FAR2: variants seen among roughly 807,000 people sequenced by gnomAD.
The protein encoded by FAR2 is epididymis secretory protein Li 81.
FAR2 carries 19 observed loss-of-function variants against 56.0 expected under a neutral mutation model. The ratio of observed to expected loss-of-function variants is 0.34; its 90% CI spans 0.24 to 0.50. The LOEUF is 0.50. Ranked by LOEUF, FAR2 falls within the 20% of genes least tolerant of loss-of-function variation. The pLI is 0.98. For synonymous variants in FAR2, 219 were observed against 218.8 expected (o/e 1.00, Z -0.01); for missense variants, 508 against 642.2 (o/e 0.79, Z 2.26).
intron 1 of FAR2, among the ~76,000 whole-genome samples, chr12:29,174,329 C>T (rs1355128926): frequency 1.3e-5 from 2 of 150,916 alleles, no homozygotes; most frequent in East Asian, 2.0e-4. Flanking sequence ...AGCCCGGGTG[C>T]CTAAAGAAGG....
intron 1 of FAR2, among the ~76,000 whole-genome samples, chr12:29,253,060 A>C (rs1948238342): frequency 6.6e-6 from 1 of 152,070 alleles, no homozygotes; most frequent in South Asian, 2.1e-4. Flanking sequence ...TTTGGATTCA[A>C]ACTGCAACTC....
At position 29,311,158 on chromosome 12, in the gene FAR2, C is replaced by T. The variant is rs1010932302; in HGVS notation, c.887+12C>T. 7 of 1,584,588 alleles carry T rather than the reference C, an allele frequency of 4.4e-6. No homozygotes were observed. The highest frequency in any genetic ancestry group is 2.2e-5 in the East Asian group (1 of 44,714). On this transcript the variant is annotated intron_variant, in intron 7 of 11. Transcript: ENST00000536681. Reference sequence around the variant, plus strand: ...ACTGCAGTTCACAGGTGTGGATGCTCAAGTGGGCTTTCAAAGACTTCATGA... The same window carrying T: ...ACTGCAGTTCACAGGTGTGGATGCTTAAGTGGGCTTTCAAAGACTTCATGA...
chr12:29,163,301 C>T (rs1308665889), intron 1 of FAR2, among the ~76,000 whole-genome samples: 1 of 152,200 alleles, frequency 6.6e-6, no homozygotes, highest in African/African-American at 2.4e-5. Context: ...CTAATTCATT[C>T]TTCCGTTAGA....
intron 1 of FAR2, among the ~76,000 whole-genome samples, chr12:29,162,173 A>C (rs1284732993): frequency 6.6e-6 from 1 of 152,188 alleles, no homozygotes; most frequent in East Asian, 1.9e-4. Flanking sequence ...TTGCCTACTC[A>C]TGAAGCAAGA....
chr12:29,304,993 C>T lies in FAR2; in HGVS notation c.546-2665C>T, dbSNP rs571979248. Among the ~76,000 whole-genome samples, 136 of 152,304 alleles carry T rather than the reference C, an allele frequency of 8.9e-4. 1 individual carries two copies. The highest frequency in any genetic ancestry group is 1.6e-3 in the Non-Finnish European group (111 of 68,032). On this transcript the variant is annotated intron_variant, in intron 4 of 11. Coordinates refer to ENST00000536681, the MANE Select transcript of FAR2 (RefSeq NM_001271783.2). The stretch of plus-strand genomic sequence containing the variant: ...TTGAGTGTTTAAGTCCTAAGAATGG[C>T]TTGGCCCAACCAGTGGATGTGCATG...
chr12:29,260,926 G>T (rs1001244821), intron 1 of FAR2, among the ~76,000 whole-genome samples: 1 of 152,212 alleles, frequency 6.6e-6, no homozygotes, highest in Non-Finnish European at 1.5e-5. Flanking sequence ...CCACAGTGTT[G>T]CTGGGTTTGG....
intron 1 of FAR2, among the ~76,000 whole-genome samples, chr12:29,257,874 C>T (rs1948352161): frequency 6.6e-6 from 1 of 152,192 alleles, no homozygotes; most frequent in Non-Finnish European, 1.5e-5. Context: ...ACCAAGAACC[C>T]ACCAATTCCG....
intron 9 of FAR2, among the ~76,000 whole-genome samples, chr12:29,321,092 T>G (rs893608044): frequency 1.3e-5 from 2 of 152,120 alleles, no homozygotes; most frequent in African/African-American, 2.4e-5. Context: ...CAAGAAGTTT[T>G]TTTTTTTTTT....
At chr12:29,186,781 T>C (rs1474143417) in intron 1 of FAR2, among the ~76,000 whole-genome samples, 1 of 149,570 alleles carries the variant, frequency 6.7e-6, no homozygotes, top group Non-Finnish European at 1.5e-5. Context: ...TTTATTTATT[T>C]ATTTATTTAT....
intron 1 of FAR2, among the ~76,000 whole-genome samples, chr12:29,159,992 C>A (rs191076807): frequency 4.7e-4 from 71 of 152,278 alleles, no homozygotes; most frequent in Admixed American, 3.0e-3. Flanking sequence ...GAGGCAAGAT[C>A]AAAAACCAAC....
intron 1 of FAR2, among the ~76,000 whole-genome samples, chr12:29,226,961 A>G (rs1219813848): frequency 6.6e-6 from 1 of 152,212 alleles, no homozygotes; most frequent in African/African-American, 2.4e-5. Flanking sequence ...CACAATGAGA[A>G]GGAAGAAGGT....
intron 1 of FAR2, among the ~76,000 whole-genome samples, chr12:29,204,532 C>T (rs1947457390): frequency 6.6e-6 from 1 of 152,154 alleles, no homozygotes; most frequent in African/African-American, 2.4e-5. Flanking sequence ...GTGGTCTCCA[C>T]AGAAGGCCTG....
intron 4 of FAR2, among the ~76,000 whole-genome samples, chr12:29,298,998 G>A (rs989796133): frequency 3.9e-5 from 6 of 152,014 alleles, no homozygotes; most frequent in Non-Finnish European, 8.8e-5. Context: ...TGGATCACCC[G>A]AGGTCAGGAG....
At chr12:29,191,462 A>G (rs935776937) in intron 1 of FAR2, among the ~76,000 whole-genome samples, 2 of 152,266 alleles carry the variant, frequency 1.3e-5, no homozygotes, top group African/African-American at 4.8e-5. Flanking sequence ...ATCACCATTG[A>G]GACAGTAAGG....
Position 29,270,550 on chromosome 12 carries a change from G to A in FAR2, c.101G>A (p.Ser34Asn). 6.2e-7 allele frequency: 1 copy of A among 1,614,090 alleles called. No individual in the cohort carries two copies. The highest frequency in any genetic ancestry group is 1.1e-5 in the South Asian group (1 of 91,062). The change falls in exon 2 of 12, where the codon AGC becomes AAC. Residue 34 changes from serine (S) to asparagine (N), a missense_variant. By Grantham distance (46) the Ser-to-Asn change is conservative. Transcript: ENST00000536681. Reference sequence around the variant, plus strand: ...CTGATGGAGAAGCTGTTTCGCACCAGCCCAGACCTGAAAGTCATTTACATC... The same window carrying A: ...CTGATGGAGAAGCTGTTTCGCACCAACCCAGACCTGAAAGTCATTTACATC... ...KVLMEKLFRT[S>N]PDLKVIYILV...
intron 2 of FAR2, among the ~76,000 whole-genome samples, chr12:29,280,247 A>T (rs1373988346): frequency 1.3e-5 from 2 of 151,888 alleles, no homozygotes; most frequent in African/African-American, 4.8e-5. Flanking sequence ...TTTATCAGTA[A>T]CCTCTCATTT....
chr12:29,295,756 A>ATTT (rs61390530), intron 3 of FAR2, among the ~76,000 whole-genome samples: 4,484 of 88,298 alleles, frequency 0.051, 225 homozygotes, highest in Middle Eastern at 0.075. Context: ...TTTTTACGTA[A>ATTT]TTTTTTTTTT....
At chr12:29,196,554 T>C (rs1950146054) in intron 1 of FAR2, among the ~76,000 whole-genome samples, 1 of 152,122 alleles carries the variant, frequency 6.6e-6, no homozygotes, top group South Asian at 2.1e-4. Context: ...GAAAATTGAA[T>C]TTCCTTATGC....
intron 2 of FAR2, among the ~76,000 whole-genome samples, chr12:29,288,736 T>C (rs1157456665): frequency 6.6e-6 from 1 of 152,162 alleles, no homozygotes; most frequent in East Asian, 1.9e-4. Context: ...CGCTATCTGC[T>C]ATCTCTCATC....
Sources: gnomAD v4.1 joint callset for allele counts (sites outside exome capture counted in the v4.1 genomes callset) on GRCh38, gnomAD v4.1.1 for gene constraint, MANE v1.5 for transcripts, NCBI Gene and HGNC (gene_info 2026-07-23, HGNC 2026-07-21) for gene names.